FGF14: variants seen among roughly 807,000 people sequenced by gnomAD.
FGF14 encodes the protein fibroblast growth factor 14, also known as fibroblast growth factor homologous factor 4.
FGF14 carries 5 observed loss-of-function variants against 25.5 expected under a neutral mutation model. That is an observed-to-expected ratio of 0.20 (90% confidence interval 0.10 to 0.41). The LOEUF (loss-of-function observed/expected upper bound fraction) is 0.41. FGF14 is among the 10% of genes least tolerant of loss of function. The pLI, the probability that FGF14 is intolerant of heterozygous loss-of-function variation, is 1.00. For missense variants in FGF14, 222 were observed against 320.1 expected (o/e 0.69, Z 2.34); for synonymous variants, 138 against 118.3 (o/e 1.17, Z -1.08).
intron 1 of FGF14, among the ~76,000 whole-genome samples, chr13:102,031,811 T>C (rs1469847409): frequency 6.6e-6 from 1 of 152,176 alleles, no homozygotes; most frequent in East Asian, 1.9e-4. Flanking sequence ...CAGGAATCTA[T>C]AGTCAAACCT....
intron 3 of FGF14, among the ~76,000 whole-genome samples, chr13:101,817,422 T>G (rs1310696693): frequency 6.6e-6 from 1 of 152,212 alleles, no homozygotes; most frequent in East Asian, 1.9e-4. Flanking sequence ...ATTACTTTTT[T>G]GAGACTTATC....
intron 1 of FGF14, chr13:102,367,202 T>C (rs923075343): frequency 6.6e-6 from 1 of 152,220 alleles, no homozygotes; most frequent in Admixed American, 6.5e-5. Context: ...ATGAGTTTGC[T>C]GTTAAGATGT....
At position 102,304,172 on chromosome 13, in the gene FGF14, G is replaced by A. The variant is rs370314915; in HGVS notation, c.208+97299C>T. 2.2e-4 allele frequency among the ~76,000 whole-genome samples: 33 copies of A among 152,010 alleles called. No individual in the cohort carries two copies. The East Asian group carries it at 2.5e-3, about 12-fold the overall frequency. Reference sequence around the variant, plus strand: ...ATTTTCTCTAATGATAAATAGCAAGGTATACACCTTGCTTTCTTCTCTGAA... The same window carrying A: ...ATTTTCTCTAATGATAAATAGCAAGATATACACCTTGCTTTCTTCTCTGAA... On this transcript the variant is annotated intron_variant, in intron 1 of 4. Transcript: ENST00000376131.
chr13:102,135,017 CCACACACACACACACACA>C (rs71125050), intron 1 of FGF14, among the ~76,000 whole-genome samples: 190 of 142,658 alleles, frequency 1.3e-3, no homozygotes, highest in African/African-American at 4.5e-3. Flanking sequence ...GACCCCGTGT[CCACACACACACACACACA>C]CACACACACA....
chr13:102,075,672 T>C (rs534374164), intron 1 of FGF14, among the ~76,000 whole-genome samples: 1 of 152,324 alleles, frequency 6.6e-6, no homozygotes, highest in Admixed American at 6.5e-5. Flanking sequence ...AATAGACAAG[T>C]TAACTGTAAA....
intron 1 of FGF14, among the ~76,000 whole-genome samples, chr13:102,249,124 A>G (rs939182893): frequency 6.6e-6 from 1 of 152,156 alleles, no homozygotes; most frequent in African/African-American, 2.4e-5. Context: ...GCTAGATGGA[A>G]GTCACGGCCT....
chr13:102,276,331 A>C (rs1433094217), intron 1 of FGF14, among the ~76,000 whole-genome samples: 1 of 63,480 alleles, frequency 1.6e-5, no homozygotes, highest in African/African-American at 7.6e-5. Flanking sequence ...ACACACACGT[A>C]CGTGTGTGTG....
intron 1 of FGF14, among the ~76,000 whole-genome samples, chr13:102,291,116 AAGC>A (rs1470051812): frequency 1.3e-5 from 2 of 152,358 alleles, no homozygotes; most frequent in East Asian, 3.9e-4. Context: ...ATGACTCTAA[AAGC>A]AGTAAAAAGA....
At chr13:102,048,636 C>T (rs945107335) in intron 1 of FGF14, among the ~76,000 whole-genome samples, 7 of 152,138 alleles carry the variant, frequency 4.6e-5, no homozygotes, top group Admixed American at 4.6e-4. Context: ...TAAGTGTTAC[C>T]TGCTGGGGAT....
chr13:101,716,766 C>T lies in FGF14; in HGVS notation c.*6065G>A, dbSNP rs569791056. 7.0e-6 allele frequency: 1 copy of T among 142,216 alleles called. No homozygotes were observed. The highest frequency in any genetic ancestry group is 2.7e-5 in the African/African-American group (1 of 37,708). The allele number at this position is 142,216 out of a possible 1,614,324, so 8.8% of individuals were successfully genotyped here. A position where few individuals can be genotyped will look rare whatever the true frequency, so the allele number is the denominator to read the frequency against. On this transcript the variant is annotated 3_prime_UTR_variant, in exon 5 of 5. Transcript: ENST00000376143. The stretch of plus-strand genomic sequence containing the variant: ...CGAGAAATACTGTGATAAAATGGCA[C>T]CAATCTCAGAAGCTCACAAAAGACC...
intron 1 of FGF14, among the ~76,000 whole-genome samples, chr13:102,243,012 C>A (rs912320416): frequency 6.6e-6 from 1 of 152,080 alleles, no homozygotes; most frequent in African/African-American, 2.4e-5. Flanking sequence ...TGTTCTACTT[C>A]CAAAGCTTGG....
chr13:102,031,484 A>G (rs895076305), intron 1 of FGF14, among the ~76,000 whole-genome samples: 2 of 152,086 alleles, frequency 1.3e-5, no homozygotes, highest in African/African-American at 4.8e-5. Context: ...TTTTTTCACT[A>G]AAAGTTCTTC....
At chr13:101,784,600 T>G (rs2140048016) in intron 3 of FGF14, among the ~76,000 whole-genome samples, 1 of 152,330 alleles carries the variant, frequency 6.6e-6, no homozygotes, top group South Asian at 2.1e-4. Context: ...GATGTCATTC[T>G]GAAGATTATT....
chr13:102,109,602 C>T (rs1489095733), intron 1 of FGF14, among the ~76,000 whole-genome samples: 1 of 151,738 alleles, frequency 6.6e-6, no homozygotes, highest in Non-Finnish European at 1.5e-5. Flanking sequence ...TTTAAGAATG[C>T]TTGATAAGTT....
intron 1 of FGF14, among the ~76,000 whole-genome samples, chr13:102,369,113 C>G (rs563297110): frequency 6.6e-6 from 1 of 152,118 alleles, no homozygotes; most frequent in Non-Finnish European, 1.5e-5. Context: ...GAATCATTGG[C>G]CCATTTACAT....
At chr13:101,728,059 G>A (rs1314709668) in intron 3 of FGF14, among the ~76,000 whole-genome samples, 2 of 152,120 alleles carry the variant, frequency 1.3e-5, no homozygotes, top group African/African-American at 4.8e-5. Context: ...TATGCTAACT[G>A]TAATTAGGAA....
At chr13:101,726,977 T>C (rs2035480813) in intron 3 of FGF14, among the ~76,000 whole-genome samples, 167 bp from the exon 4 acceptor site, 1 of 152,086 alleles carries the variant, frequency 6.6e-6, no homozygotes, top group Admixed American at 6.6e-5. Context: ...TTTTAAAATA[T>C]ACAATAAATT....
chr13:102,353,504 CA>C (rs771510883), intron 1 of FGF14, among the ~76,000 whole-genome samples: 43 of 152,212 alleles, frequency 2.8e-4, no homozygotes, highest in Non-Finnish European at 6.0e-4. Context: ...AAGCTGAAAG[CA>C]TTATCTTCTC....
intron 1 of FGF14, among the ~76,000 whole-genome samples, chr13:102,371,754 C>T (rs2057892089): frequency 6.6e-6 from 1 of 152,054 alleles, no homozygotes; most frequent in South Asian, 2.1e-4. Context: ...AAATGCTTTA[C>T]AAGTTTACAG....
Sources: allele counts gnomAD v4.1 joint callset (sites outside exome capture counted in the v4.1 genomes callset), GRCh38; gene constraint gnomAD v4.1.1; transcripts MANE v1.5; gene names NCBI Gene and HGNC (gene_info 2026-07-23, HGNC 2026-07-21).